PDZRN4: variants seen among roughly 807,000 people sequenced by gnomAD.
PDZRN4 encodes the protein PDZ domain containing ring finger 4.
PDZRN4 carries 70 observed loss-of-function variants against 99.0 expected under a neutral mutation model. The ratio of observed to expected loss-of-function variants is 0.71; its 90% CI spans 0.58 to 0.86. PDZRN4 has a LOEUF of 0.86. Among genes scored for constraint, PDZRN4 ranks in the 40% least tolerant of loss-of-function variants. PDZRN4 has a pLI of 0.00. For synonymous variants in PDZRN4, 551 were observed against 501.6 expected (o/e 1.10, Z -1.32); for missense variants, 1,474 against 1,331.2 (o/e 1.11, Z -1.67).
At chr12:41,207,160 C>T (rs1331931314) in intron 3 of PDZRN4, among the ~76,000 whole-genome samples, 1 of 151,776 alleles carries the variant, frequency 6.6e-6, no homozygotes, top group African/African-American at 2.4e-5. Context: ...GAGGACATTT[C>T]TTTTTGTAAC....
intron 3 of PDZRN4, among the ~76,000 whole-genome samples, chr12:41,293,405 C>T (rs186609916): frequency 1.3e-5 from 2 of 151,706 alleles, no homozygotes; most frequent in African/African-American, 4.8e-5. Flanking sequence ...CCACTCCATC[C>T]TTTTCTGGCT....
intron 3 of PDZRN4, among the ~76,000 whole-genome samples, chr12:41,264,623 A>G (rs1951264612): frequency 6.6e-6 from 1 of 152,204 alleles, no homozygotes; most frequent in African/African-American, 2.4e-5. Context: ...AACACAAACC[A>G]TCAGCTGAAT....
At chr12:41,224,528 AAGTGAT>A (rs1489359814) in intron 3 of PDZRN4, among the ~76,000 whole-genome samples, 3 of 152,178 alleles carry the variant, frequency 2.0e-5, no homozygotes, top group African/African-American at 7.2e-5. Flanking sequence ...GGAAGAGATC[AAGTGAT>A]AGTGCTTTTA....
At chr12:41,201,648 G>A (rs762109448) in intron 3 of PDZRN4, among the ~76,000 whole-genome samples, 10 of 152,010 alleles carry the variant, frequency 6.6e-5, no homozygotes, top group Non-Finnish European at 1.5e-4. Context: ...GGATCCAAGA[G>A]TTTTTCAACA....
intron 3 of PDZRN4, among the ~76,000 whole-genome samples, chr12:41,380,340 A>G (rs1448444384): frequency 1.3e-5 from 2 of 152,024 alleles, no homozygotes; most frequent in Non-Finnish European, 1.5e-5. Flanking sequence ...ATTTACATTG[A>G]GAGTAATAGA....
chr12:41,390,067 T>C (rs1402930890), intron 3 of PDZRN4, among the ~76,000 whole-genome samples: 1 of 152,158 alleles, frequency 6.6e-6, no homozygotes, highest in African/African-American at 2.4e-5. Flanking sequence ...GTAAGGGTGG[T>C]AAATCTTGGG....
intron 3 of PDZRN4, chr12:41,477,733 A>G: frequency 1.4e-6 from 1 of 694,568 alleles, no homozygotes; most frequent in Admixed American, 2.1e-5. Context: ...CCAACTCCGC[A>G]CAAAACAGCC....
intron 3 of PDZRN4, among the ~76,000 whole-genome samples, chr12:41,274,476 T>G (rs779836206): frequency 2.4e-4 from 36 of 152,260 alleles, no homozygotes; most frequent in Non-Finnish European, 4.4e-4. Flanking sequence ...GAGAGAAGGA[T>G]TGCCTGAATT....
intron 3 of PDZRN4, among the ~76,000 whole-genome samples, chr12:41,388,568 A>T (rs959137332): frequency 6.6e-6 from 1 of 152,146 alleles, no homozygotes; most frequent in African/African-American, 2.4e-5. Flanking sequence ...TTGAGAATAG[A>T]CTGTAAGGAA....
intron 3 of PDZRN4, among the ~76,000 whole-genome samples, chr12:41,455,015 G>A (rs1952806513): frequency 6.6e-6 from 1 of 152,194 alleles, no homozygotes; most frequent in Non-Finnish European, 1.5e-5. Flanking sequence ...GCCACATGTG[G>A]CTAGACTATT....
intron 3 of PDZRN4, among the ~76,000 whole-genome samples, chr12:41,376,526 T>C (rs1211041573): frequency 1.3e-5 from 2 of 152,188 alleles, no homozygotes; most frequent in African/African-American, 4.8e-5. Context: ...CCATATGTCT[T>C]CTTTGGAAAA....
chr12:41,199,174 A>T (rs1478611562), intron 3 of PDZRN4, among the ~76,000 whole-genome samples: 1 of 152,170 alleles, frequency 6.6e-6, no homozygotes, highest in East Asian at 1.9e-4. Flanking sequence ...TTTGATGCAT[A>T]AGAAGCATTT....
At chr12:41,406,502 A>G (rs1200042803) in intron 3 of PDZRN4, among the ~76,000 whole-genome samples, 2 of 152,176 alleles carry the variant, frequency 1.3e-5, no homozygotes, top group Non-Finnish European at 1.5e-5. Flanking sequence ...GATCAATCCA[A>G]CTTATGACTT....
At position 41,574,604 on chromosome 12, in the gene PDZRN4, T is replaced by C. The variant is rs1939548235; in HGVS notation, c.*714T>C. 1 of 152,632 alleles carries C rather than the reference T, an allele frequency of 6.6e-6. No homozygotes were observed. Among genetic ancestry groups the C allele is most frequent in the African/African-American group, 2.4e-5 (1 of 41,462 alleles). The allele number at this position is 152,632 out of a possible 1,614,324, so 9.5% of individuals were successfully genotyped here. A position where few individuals can be genotyped will look rare whatever the true frequency, so the allele number is the denominator to read the frequency against. ...TCAGAAAAATTATCAAGGAGTGTTT[T>C]ATTTTCCTTGTCCACAGTGGTTGAC... On this transcript the variant is annotated 3_prime_UTR_variant, in exon 10 of 10. Coordinates refer to ENST00000402685, the MANE Select transcript of PDZRN4 (RefSeq NM_001164595.2).
intron 3 of PDZRN4, among the ~76,000 whole-genome samples, chr12:41,373,104 G>A (rs1259321243): frequency 1.3e-5 from 2 of 152,150 alleles, no homozygotes; most frequent in East Asian, 3.9e-4. Context: ...AGGTGAGGGA[G>A]TGTATGAATA....
At chr12:41,503,310 T>C (rs937008125) in intron 3 of PDZRN4, among the ~76,000 whole-genome samples, 1 of 152,116 alleles carries the variant, frequency 6.6e-6, no homozygotes, top group African/African-American at 2.4e-5. Context: ...GATCTTGAGA[T>C]TACACTGACT....
intron 3 of PDZRN4, among the ~76,000 whole-genome samples, chr12:41,419,071 A>G (rs1312140738): frequency 6.6e-6 from 1 of 152,222 alleles, no homozygotes; most frequent in Non-Finnish European, 1.5e-5. Flanking sequence ...AGGAAATGAG[A>G]GTGAAAGAGA....
In PDZRN4 at chr12:41,544,941, C is replaced by A. The variant is rs1049114770; in HGVS notation, c.1204-7715C>A. ...TGGGCCCAAGTTCTCTCTGTGGCTT[C>A]TTTTCTTCATCTATGAAATGGAAAT... On this transcript the variant is annotated intron_variant, in intron 5 of 9. Coordinates refer to ENST00000402685, the MANE Select transcript of PDZRN4 (RefSeq NM_001164595.2). 2.0e-5 allele frequency among the ~76,000 whole-genome samples: 3 copies of A among 152,170 alleles called. No homozygotes were observed. The East Asian group carries it at 5.8e-4, about 29-fold the overall frequency.
At chr12:41,571,455 T>G (rs992434674) in intron 9 of PDZRN4, among the ~76,000 whole-genome samples, 2 of 150,546 alleles carry the variant, frequency 1.3e-5, no homozygotes, top group African/African-American at 4.9e-5. Context: ...GACATAAGTG[T>G]CAAAATTTTT....
Sources: gnomAD v4.1 joint callset for allele counts (sites outside exome capture counted in the v4.1 genomes callset) on GRCh38, gnomAD v4.1.1 for gene constraint, MANE v1.5 for transcripts, NCBI Gene and HGNC (gene_info 2026-07-23, HGNC 2026-07-21) for gene names.